QRFPR: variants seen among roughly 807,000 people sequenced by gnomAD.
QRFPR encodes pyroglutamylated RF-amide peptide receptor.
A neutral mutation model predicts 31.3 loss-of-function variants in QRFPR; 37 were observed. The ratio of observed to expected loss-of-function variants is 1.18; its 90% CI spans 0.91 to 1.56. The LOEUF is 1.56. Among genes scored for constraint, QRFPR ranks in the 40% most tolerant of loss-of-function variants. The pLI is 0.00. For synonymous variants in QRFPR, 197 were observed against 192.0 expected (o/e 1.03, Z -0.22); for missense variants, 542 against 532.5 (o/e 1.02, Z -0.18).
intron 1 of QRFPR, among the ~76,000 whole-genome samples, chr4:121,342,787 A>T (rs1725568251): frequency 6.6e-6 from 1 of 152,202 alleles, no homozygotes. Context: ...AATTGAAAAG[A>T]ACAGATGAGT....
chr4:121,347,582 G>A (rs1034420385), intron 1 of QRFPR, among the ~76,000 whole-genome samples: 2 of 152,106 alleles, frequency 1.3e-5, no homozygotes, highest in African/African-American at 4.8e-5. Flanking sequence ...GACGCTTAAA[G>A]TAATATATTA....
rs759577247 is a variant in QRFPR, at chr4:121,380,414, G to T, written c.234C>A (p.Thr78=). Reference sequence around the variant, plus strand: ...AGGAGCAGATAAAGATGTTGGTGACGGTGCGCATGGCCTTGCTGCGGGTCA... The same window carrying T: ...AGGAGCAGATAAAGATGTTGGTGACTGTGCGCATGGCCTTGCTGCGGGTCA... The part of the protein sequence containing the change: ...YVVTRSKAMR[T]VTNIFICSLA... The change falls in exon 1 of 6, where the codon ACC becomes ACA. Residue 78 remains threonine (T), a synonymous_variant. Coordinates refer to ENST00000394427, the MANE Select transcript of QRFPR (RefSeq NM_198179.3). The T allele has an allele frequency of 6.2e-7, 1 of 1,614,198 alleles. No individual in the cohort carries two copies. Among genetic ancestry groups the T allele is most frequent in the Non-Finnish European group, 8.5e-7 (1 of 1,180,016 alleles).
chr4:121,369,932 GT>G, intron 1 of QRFPR: 1 of 769,554 alleles, frequency 1.3e-6, no homozygotes, highest in Non-Finnish European at 2.4e-6. Context: ...CTTCTGAGTG[GT>G]GACACCCTTG....
At chr4:121,365,552 TATATAA>T (rs1560743692) in intron 1 of QRFPR, among the ~76,000 whole-genome samples, 9 of 4,320 alleles carry the variant, frequency 2.1e-3, no homozygotes, top group Admixed American at 5.5e-3. Context: ...TTATATATAA[TATATAA>T]TATATATTAT....
intron 1 of QRFPR, among the ~76,000 whole-genome samples, chr4:121,372,038 A>T (rs988554850): frequency 6.6e-6 from 1 of 152,204 alleles, no homozygotes; most frequent in Non-Finnish European, 1.5e-5. Context: ...ACGGCCAAGA[A>T]ATTGTACAGA....
intron 1 of QRFPR, among the ~76,000 whole-genome samples, chr4:121,352,500 G>A (rs113105986): frequency 8.1e-4 from 123 of 152,142 alleles, no homozygotes; most frequent in African/African-American, 2.9e-3. Flanking sequence ...TGGCAAGAAT[G>A]TACTACATGC....
intron 1 of QRFPR, 102 bp downstream of exon 1, chr4:121,380,205 GA>G (rs1431150940): frequency 2.1e-4 from 69 of 326,430 alleles, no homozygotes; most frequent in Middle Eastern, 5.2e-4. Flanking sequence ...GAGAGAGAGA[GA>G]GAGAGAGAGA....
chr4:121,363,327 C>T (rs970317279), intron 1 of QRFPR, among the ~76,000 whole-genome samples: 2 of 149,892 alleles, frequency 1.3e-5, no homozygotes, highest in African/African-American at 4.9e-5. Flanking sequence ...CTTCCTCCAT[C>T]TCATAATAAA....
chr4:121,343,388 T>C (rs879619867), intron 1 of QRFPR, among the ~76,000 whole-genome samples: 1 of 152,240 alleles, frequency 6.6e-6, no homozygotes, highest in Non-Finnish European at 1.5e-5. Context: ...GGGCTCCAAA[T>C]GGCAACCCAA....
Position 121,362,350 on chromosome 4 carries a change from G to A in QRFPR, c.340+17958C>T, listed in dbSNP as rs2110479637. ...TTTTCTATGTACCTTTATCCAGGAA[G>A]AGGGGAAAAAGTGGGGAGAGGAGAC... On this transcript the variant is annotated intron_variant, in intron 1 of 5. Transcript: ENST00000394427. Among the ~76,000 whole-genome samples, 2 of 132,134 alleles carry A rather than the reference G, an allele frequency of 1.5e-5. 1 individual carries two copies. The highest frequency in any genetic ancestry group is 4.3e-4 in the East Asian group (2 of 4,634). 86.7% of individuals were successfully genotyped at this position (132,134 alleles called of 152,430 possible). A position where few individuals can be genotyped will look rare whatever the true frequency, so the allele number is the denominator to read the frequency against.
intron 2 of QRFPR, among the ~76,000 whole-genome samples, chr4:121,339,631 C>A (rs1326031692): frequency 6.6e-6 from 1 of 152,080 alleles, no homozygotes; most frequent in African/African-American, 2.4e-5. Context: ...ACATTTCCTG[C>A]TCCCTATCAT....
intron 1 of QRFPR, chr4:121,370,362 A>C: frequency 1.3e-6 from 1 of 747,070 alleles, no homozygotes; most frequent in Non-Finnish European, 2.5e-6. Flanking sequence ...GCTGAGATCC[A>C]GGTGTTTTTT....
chr4:121,340,676 T>G, intron 1 of QRFPR, 66 bp from the exon 2 acceptor site: 1 of 1,477,732 alleles, frequency 6.8e-7, no homozygotes, highest in Non-Finnish European at 9.2e-7. Flanking sequence ...ATCTGTGTCT[T>G]TGTAATTATC....
At chr4:121,349,805 T>G (rs2110474048) in intron 1 of QRFPR, among the ~76,000 whole-genome samples, 1 of 152,342 alleles carries the variant, frequency 6.6e-6, no homozygotes, top group South Asian at 2.1e-4. Flanking sequence ...GGTTATCAAA[T>G]TGTTCATACG....
chr4:121,341,608 C>CA (rs1218052476), intron 1 of QRFPR, among the ~76,000 whole-genome samples: 1 of 152,156 alleles, frequency 6.6e-6, no homozygotes, highest in Non-Finnish European at 1.5e-5. Context: ...TGACAAATCA[C>CA]AGTCAAAACA....
chr4:121,351,833 T>C (rs573212894), intron 1 of QRFPR, among the ~76,000 whole-genome samples: 20 of 117,630 alleles, frequency 1.7e-4, no homozygotes, highest in South Asian at 7.6e-4. Context: ...CGAGTTAGTA[T>C]AAAGTAATGT....
intron 3 of QRFPR, among the ~76,000 whole-genome samples, chr4:121,335,331 G>C (rs1725411266): frequency 6.6e-6 from 1 of 151,950 alleles, no homozygotes; most frequent in Admixed American, 6.6e-5. Context: ...TTATGAAAAG[G>C]CTCCACCAGT....
chr4:121,335,891 A>C (rs73845734), intron 3 of QRFPR, among the ~76,000 whole-genome samples: 2 of 152,270 alleles, frequency 1.3e-5, no homozygotes, highest in East Asian at 3.9e-4. Flanking sequence ...GGACTAAAAA[A>C]GTCCTTAGAT....
chr4:121,369,052 G>T (rs962731349), intron 1 of QRFPR, among the ~76,000 whole-genome samples: 1 of 152,062 alleles, frequency 6.6e-6, no homozygotes, highest in Non-Finnish European at 1.5e-5. Flanking sequence ...ATTTAGAGAC[G>T]GAGTCTCACT....
Sources: allele counts gnomAD v4.1 joint callset (sites outside exome capture counted in the v4.1 genomes callset), GRCh38; gene constraint gnomAD v4.1.1; transcripts MANE v1.5; gene names NCBI Gene and HGNC (gene_info 2026-07-23, HGNC 2026-07-21).